ZNF423: variants seen among roughly 807,000 people sequenced by gnomAD.
The protein encoded by ZNF423 is zinc finger protein 423, also known as Ebf-associated zinc finger protein.
Under a neutral mutation model 95.8 loss-of-function variants are expected in ZNF423, and 12 were observed. That is an observed-to-expected ratio of 0.13 (90% CI 0.08 to 0.20). The LOEUF (loss-of-function observed/expected upper bound fraction) is 0.20. ZNF423 is among the 10% of genes least tolerant of loss of function. The pLI is 1.00. For missense variants in ZNF423, 1,316 were observed against 1,737.1 expected (o/e 0.76, Z 4.31); for synonymous variants, 749 against 711.9 (o/e 1.05, Z -0.83).
At chr16:49,808,660 G>A (rs1330428834) in intron 1 of ZNF423, among the ~76,000 whole-genome samples, 1 of 152,236 alleles carries the variant, frequency 6.6e-6, no homozygotes, top group Non-Finnish European at 1.5e-5. Flanking sequence ...GCAGAGGACA[G>A]TGGGAGGGGC....
At chr16:49,797,734 C>T (rs1356796665) in intron 1 of ZNF423, among the ~76,000 whole-genome samples, 1 of 152,236 alleles carries the variant, frequency 6.6e-6, no homozygotes, top group African/African-American at 2.4e-5. Context: ...ACCCTGACCA[C>T]TTGCTGAAAA....
chr16:49,836,297 C>G (rs1353495985), intron 1 of ZNF423, among the ~76,000 whole-genome samples: 1 of 152,092 alleles, frequency 6.6e-6, no homozygotes, highest in African/African-American at 2.4e-5. Context: ...CCTGGGACAT[C>G]CTCCACCTCC....
intron 5 of ZNF423, among the ~76,000 whole-genome samples, chr16:49,582,325 C>T (rs1260190034): frequency 6.6e-6 from 1 of 152,228 alleles, no homozygotes; most frequent in Non-Finnish European, 1.5e-5. Flanking sequence ...TCTTCAAAAC[C>T]TGTTATAAAA....
chr16:49,724,935 G>A lies in ZNF423; in HGVS notation c.301+5836C>T, dbSNP rs35175122. Reference sequence around the variant, plus strand: ...CCCCCCTCTTGTTTTTTTGGAAGTTGAGCATTCAAAAAAGCCATCTGGAGT... The same window carrying A: ...CCCCCCTCTTGTTTTTTTGGAAGTTAAGCATTCAAAAAAGCCATCTGGAGT... On this transcript the variant is annotated intron_variant, in intron 3 of 7. Transcript: ENST00000563137. Among the ~76,000 whole-genome samples the A allele has an allele frequency of 2.2e-3, 336 of 152,094 alleles. 1 individual carries two copies. Among genetic ancestry groups the A allele is most frequent in the African/African-American group, 6.9e-3 (287 of 41,502 alleles).
intron 5 of ZNF423, among the ~76,000 whole-genome samples, chr16:49,614,346 G>A (rs1466452243): frequency 2.0e-5 from 3 of 152,004 alleles, no homozygotes; most frequent in African/African-American, 7.3e-5. Flanking sequence ...TACATTGCTG[G>A]TAGGAATGTA....
chr16:49,723,056 T>C (rs1186158380), intron 3 of ZNF423, among the ~76,000 whole-genome samples: 1 of 150,544 alleles, frequency 6.6e-6, no homozygotes, highest in Non-Finnish European at 1.5e-5. Flanking sequence ...CCTGGGTTCA[T>C]GCCATTCTCC....
At chr16:49,815,639 C>A (rs2034824725) in intron 1 of ZNF423, among the ~76,000 whole-genome samples, 1 of 151,872 alleles carries the variant, frequency 6.6e-6, no homozygotes, top group Non-Finnish European at 1.5e-5. Flanking sequence ...AACCTTGAGG[C>A]CTTCAGGGCC....
At chr16:49,532,373 C>T (rs1288628205) in intron 5 of ZNF423, among the ~76,000 whole-genome samples, 1 of 152,154 alleles carries the variant, frequency 6.6e-6, no homozygotes, top group Admixed American at 6.5e-5. Flanking sequence ...CAGCCCACCA[C>T]GCTGCTCCCA....
chr16:49,550,698 G>T (rs1200603180), intron 5 of ZNF423, among the ~76,000 whole-genome samples: 2 of 152,250 alleles, frequency 1.3e-5, no homozygotes, highest in African/African-American at 2.4e-5. Context: ...GTGGATAAGG[G>T]ACAGCCGTGG....
intron 3 of ZNF423, among the ~76,000 whole-genome samples, chr16:49,689,455 A>G (rs1451297515): frequency 6.6e-6 from 1 of 152,118 alleles, no homozygotes; most frequent in African/African-American, 2.4e-5. Flanking sequence ...CCCTGCCTCA[A>G]AAAGAAAAAA....
chr16:49,584,761 T>C (rs544468583), intron 5 of ZNF423, among the ~76,000 whole-genome samples: 1 of 152,250 alleles, frequency 6.6e-6, no homozygotes, highest in East Asian at 1.9e-4. Context: ...ACCAGTGAGA[T>C]TGTATTAGGG....
intron 3 of ZNF423, among the ~76,000 whole-genome samples, chr16:49,651,965 C>T (rs1342709633): frequency 2.0e-5 from 3 of 152,182 alleles, no homozygotes; most frequent in Admixed American, 1.3e-4. Flanking sequence ...TCTCAGAGGG[C>T]CCCTGCCATT....
At chr16:49,649,332 C>T (rs2540733) in intron 3 of ZNF423, among the ~76,000 whole-genome samples, 32,065 of 151,994 alleles carry the variant, frequency 0.21, 3,538 homozygotes, top group Admixed American at 0.25. Context: ...AGAGAGAATC[C>T]GACGAACAGG....
chr16:49,703,491 C>G (rs2032256814), intron 3 of ZNF423, among the ~76,000 whole-genome samples: 1 of 152,214 alleles, frequency 6.6e-6, no homozygotes, highest in South Asian at 2.1e-4. Context: ...GGACCAGAAT[C>G]CTATCCTCAA....
chr16:49,646,977 G>A (rs1259127015), intron 3 of ZNF423, among the ~76,000 whole-genome samples: 17 of 152,098 alleles, frequency 1.1e-4, no homozygotes. Context: ...TTTTATAACT[G>A]TGCAAAGTGA....
intron 3 of ZNF423, among the ~76,000 whole-genome samples, chr16:49,685,861 A>T (rs1336522026): frequency 6.6e-6 from 1 of 152,086 alleles, no homozygotes. Flanking sequence ...CCACCCGTAC[A>T]CACGCTCTGC....
At chr16:49,633,090 T>G (rs1972558813) in intron 4 of ZNF423, among the ~76,000 whole-genome samples, 1 of 152,212 alleles carries the variant, frequency 6.6e-6, no homozygotes, top group Non-Finnish European at 1.5e-5. Flanking sequence ...TTGGTCAAGA[T>G]CAGGGGCTGT....
intron 1 of ZNF423, among the ~76,000 whole-genome samples, chr16:49,820,682 T>G (rs554243429): frequency 6.6e-6 from 1 of 152,354 alleles, no homozygotes; most frequent in South Asian, 2.1e-4. Context: ...ACTAATTACC[T>G]GGCTGTCTTT....
At chr16:49,737,088 A>G (rs1319761400) in intron 2 of ZNF423, among the ~76,000 whole-genome samples, 1 of 151,904 alleles carries the variant, frequency 6.6e-6, no homozygotes, top group Non-Finnish European at 1.5e-5. Flanking sequence ...CCCCATTTCG[A>G]TGAGGACAGA....
Sources: gnomAD v4.1 joint callset for allele counts (sites outside exome capture counted in the v4.1 genomes callset) on GRCh38, gnomAD v4.1.1 for gene constraint, MANE v1.5 for transcripts, NCBI Gene and HGNC (gene_info 2026-07-23, HGNC 2026-07-21) for gene names.